Variants in SORBS2 observed in about 807,000 individuals in gnomAD.
SORBS2 encodes sorbin and SH3 domain-containing protein 2.
SORBS2 carries 46 observed loss-of-function variants against 97.7 expected under a neutral mutation model. That is an observed-to-expected ratio of 0.47 (90% CI 0.37 to 0.60). SORBS2 has a LOEUF of 0.60. Among genes scored for constraint, SORBS2 ranks in the 20% least tolerant of loss-of-function variants. The pLI is 0.00. For missense variants in SORBS2, 1,316 were observed against 1,282.3 expected, an observed-to-expected ratio of 1.03 and a Z score of -0.40; for synonymous variants, 476 against 473.4, an observed-to-expected ratio of 1.01 and a Z score of -0.07.
At chr4:185,666,518 A>G (rs2097603403) in intron 4 of SORBS2, among the ~76,000 whole-genome samples, 1 of 152,222 alleles carries the variant, frequency 6.6e-6, no homozygotes, top group South Asian at 2.1e-4. Flanking sequence ...TATTTGTGAC[A>G]ATGATAAGAT....
chr4:185,846,932 G>T (rs900688727), intron 1 of SORBS2, among the ~76,000 whole-genome samples: 27 of 151,996 alleles, frequency 1.8e-4, no homozygotes, highest in Non-Finnish European at 2.8e-4. Context: ...TAAAAACTAG[G>T]GAAAGGAAAG....
At chr4:185,630,676 T>C in intron 4 of SORBS2, 78 bp from the exon 17 acceptor site, 2 of 741,826 alleles carry the variant, frequency 2.7e-6, no homozygotes, top group Middle Eastern at 2.8e-4. Context: ...TTAAATTAGG[T>C]ATCCTAAAAA....
At chr4:185,616,316 C>T (rs1473919109) in intron 9 of SORBS2, among the ~76,000 whole-genome samples, 4 of 152,184 alleles carry the variant, frequency 2.6e-5, no homozygotes, top group Admixed American at 2.0e-4. Flanking sequence ...AATGATCACA[C>T]ATTTAGAAGT....
chr4:185,937,692 T>C (rs970162592), intron 1 of SORBS2, among the ~76,000 whole-genome samples: 1 of 152,114 alleles, frequency 6.6e-6, no homozygotes, highest in African/African-American at 2.4e-5. Context: ...AAAACCACTT[T>C]ATTTTAGCTG....
intron 1 of SORBS2, among the ~76,000 whole-genome samples, chr4:185,801,999 G>A (rs952715169): frequency 6.6e-6 from 1 of 152,140 alleles, no homozygotes; most frequent in Non-Finnish European, 1.5e-5. Context: ...ATGCTACAAA[G>A]CTTGCTTTTC....
At chr4:185,612,403 G>T (rs1262251880) in intron 11 of SORBS2, among the ~76,000 whole-genome samples, 2 of 152,146 alleles carry the variant, frequency 1.3e-5, no homozygotes, top group Non-Finnish European at 2.9e-5. Flanking sequence ...ACCATAGCTT[G>T]CTGTGAGGGT....
At chr4:185,766,061 G>A (rs1300381828) in intron 2 of SORBS2, among the ~76,000 whole-genome samples, 1 of 152,204 alleles carries the variant, frequency 6.6e-6, no homozygotes, top group African/African-American at 2.4e-5. Flanking sequence ...CACTCTGTAA[G>A]TTTTCTCCAA....
intron 12 of SORBS2, among the ~76,000 whole-genome samples, chr4:185,608,816 C>A (rs10009169): frequency 0.52 from 78,190 of 151,710 alleles, 20,482 homozygotes; most frequent in African/African-American, 0.6. Flanking sequence ...GAAAGAAAAA[C>A]ATCTCCAAAA....
intron 12 of SORBS2, among the ~76,000 whole-genome samples, chr4:185,596,494 G>GT (rs2096092167): frequency 6.9e-6 from 1 of 145,858 alleles, no homozygotes; most frequent in African/African-American, 2.6e-5. Context: ...GCTGGAGAAC[G>GT]TATGTTCCTG....
chr4:185,622,911 C>G lies in SORBS2; in HGVS notation c.2215+3G>C. The G allele has an allele frequency of 6.3e-7, 1 of 1,578,612 alleles. No individual in the cohort carries two copies. The highest frequency in any genetic ancestry group is 2.3e-5 in the East Asian group (1 of 44,356). ...AAGGAAAAAGAAAGAAAAGCTCATC[C>G]ACCTTGGAGTGCACCGCCACGGTCT... is the stretch of plus-strand genomic sequence containing the variant. On this transcript the variant is annotated splice_donor_region_variant and intron_variant, in intron 7 of 14. Coordinates refer to ENST00000418609, the Ensembl canonical transcript of SORBS2.
chr4:185,788,970 G>C (rs575041018), intron 1 of SORBS2, among the ~76,000 whole-genome samples: 1 of 152,300 alleles, frequency 6.6e-6, no homozygotes, highest in Non-Finnish European at 1.5e-5. Context: ...CCACAAGGGT[G>C]CTGGAAATTC....
chr4:185,657,159 T>C, upstream of SORBS2: 1 of 341,488 alleles, frequency 2.9e-6, no homozygotes, highest in Non-Finnish European at 5.0e-6. Context: ...ACAAACAAAC[T>C]AAACCACACA....
rs74809052 is a variant in SORBS2 at position 185,849,763 on chromosome 4, G to T, written c.-337-74397C>A. 3.1e-3 allele frequency among the ~76,000 whole-genome samples: 466 copies of T among 152,258 alleles called. 4 individuals carry two copies. The East Asian group carries it at 0.04, about 13-fold the overall frequency. On this transcript the variant is annotated intron_variant, in intron 1 of 20. Transcript: ENST00000284776. ...CCAATGAATGTGTAACTATCAAAGA[G>T]CTTATTCCATCTGGTCCTGTTCACA...
chr4:185,729,738 T>C lies in SORBS2; in HGVS notation c.-198+45489A>G, dbSNP rs565214724. On this transcript the variant is annotated intron_variant, in intron 2 of 20. Coordinates refer to the SORBS2 transcript ENST00000284776. ...ATGGTTCTGCCTAAGTTTAGAATTA[T>C]CATGATCTACTTTGTAGAGAGAAAA... is the stretch of plus-strand genomic sequence containing the variant. 2.0e-5 allele frequency among the ~76,000 whole-genome samples: 3 copies of C among 152,344 alleles called. 1 individual carries two copies. The South Asian group carries it at 6.2e-4, about 32-fold the overall frequency.
chr4:185,767,499 CAAAAAAAAA>C, intron 2 of SORBS2, among the ~76,000 whole-genome samples: 1 of 60,694 alleles, frequency 1.6e-5, no homozygotes, highest in Non-Finnish European at 3.0e-5. Flanking sequence ...GACTCTGTCT[CAAAAAAAAA>C]AAAAAAAAAA....
At position 185,639,180 on chromosome 4, in the gene SORBS2, C is replaced by A. The variant is rs933946453; in HGVS notation, c.396+7488G>T. 1.4e-5 allele frequency: 10 copies of A among 700,072 alleles called. No homozygotes were observed. In the East Asian group the frequency reaches 2.3e-4, roughly 16 times the overall value. 43.4% of individuals were successfully genotyped at this position (700,072 alleles called of 1,614,324 possible). A position where few individuals can be genotyped will look rare whatever the true frequency, so the allele number is the denominator to read the frequency against. On this transcript the variant is annotated intron_variant, in intron 4 of 14. Transcript: ENST00000418609. ...GGCGAAGTGTCCCTAGGGACCCAGA[C>A]GCCTCGGGAGCGATCCGGGCCGCTG... is the stretch of plus-strand genomic sequence containing the variant.
intron 4 of SORBS2, among the ~76,000 whole-genome samples, chr4:185,663,470 C>T (rs1159138459): frequency 6.6e-6 from 1 of 152,164 alleles, no homozygotes; most frequent in Non-Finnish European, 1.5e-5. Context: ...AAATAATTCT[C>T]TAAGCTGTTA....
intron 5 of SORBS2, among the ~76,000 whole-genome samples, chr4:185,629,454 T>C (rs2096869521): frequency 6.6e-6 from 1 of 151,992 alleles, no homozygotes; most frequent in Non-Finnish European, 1.5e-5. Context: ...GAAGGGTAAA[T>C]TAATGCTACT....
At chr4:185,796,244 A>G (rs1310022569) in intron 1 of SORBS2, among the ~76,000 whole-genome samples, 1 of 152,138 alleles carries the variant, frequency 6.6e-6, no homozygotes, top group Non-Finnish European at 1.5e-5. Flanking sequence ...ACCCTACCTC[A>G]GTGGTGCTCT....
Sources: gnomAD v4.1 joint callset for allele counts (sites outside exome capture counted in the v4.1 genomes callset) on GRCh38, gnomAD v4.1.1 for gene constraint, MANE v1.5 for transcripts, NCBI Gene and HGNC (gene_info 2026-07-23, HGNC 2026-07-21) for gene names.